PDGFA: variants seen among roughly 807,000 people sequenced by gnomAD.
PDGFA encodes platelet-derived growth factor subunit A.
In PDGFA, 9 loss-of-function variants were observed where a neutral mutation model predicts 25.6. That is an observed-to-expected ratio of 0.35 (90% CI 0.21 to 0.61). The LOEUF (loss-of-function observed/expected upper bound fraction) is 0.61, where lower values mean the gene tolerates loss of function less well. Ranked by LOEUF, PDGFA falls within the 20% of genes least tolerant of loss-of-function variation. The pLI, the probability that PDGFA is intolerant of heterozygous loss-of-function variation, is 0.75. For synonymous variants in PDGFA, 133 were observed against 111.8 expected (o/e 1.19, Z -1.20); for missense variants, 242 against 272.8 (o/e 0.89, Z 0.79).
intron 5 of PDGFA, 90 bp downstream of exon 5, chr7:501,026 G>A (rs749219716): frequency 1.6e-5 from 26 of 1,610,536 alleles, no homozygotes; most frequent in Admixed American, 5.0e-5. Context: ...AGCAGTAAGC[G>A]TTGCGCTCAA....
intron 4 of PDGFA, among the ~76,000 whole-genome samples, chr7:505,427 C>A (rs1782517545): frequency 6.6e-6 from 1 of 152,194 alleles, no homozygotes; most frequent in Non-Finnish European, 1.5e-5. Flanking sequence ...ATGCCGTCAC[C>A]CCTCTAGACC....
At chr7:512,694 C>T in intron 2 of PDGFA, 1 of 1,431,082 alleles carries the variant, frequency 7.0e-7, no homozygotes, top group Non-Finnish European at 9.2e-7. Flanking sequence ...CCCGTTAGCA[C>T]AGAGGTCCCC....
chr7:511,006 C>G lies in PDGFA; in HGVS notation c.266-10G>C. The G allele has an allele frequency of 6.2e-7, 1 of 1,609,488 alleles. No homozygotes were observed. Among genetic ancestry groups the G allele is most frequent in the Non-Finnish European group, 8.5e-7 (1 of 1,177,698 alleles). On this transcript the variant is annotated splice_polypyrimidine_tract_variant and intron_variant, in intron 3 of 5. Coordinates refer to ENST00000402802, the Ensembl canonical transcript of PDGFA. ...GCGGGGACAGCTTCCTCTGCAACGG[C>G]GGGGGCACAGTGAGCGGGGACCGGC...
intron 4 of PDGFA, 22 bp from the exon 5 acceptor site, chr7:501,264 G>A (rs370364597): frequency 1.4e-5 from 22 of 1,613,338 alleles, no homozygotes; most frequent in East Asian, 1.1e-4. Flanking sequence ...AACAGAGCCC[G>A]GCCATGAATG....
At chr7:518,014 GACAC>G (rs895020008) in intron 1 of PDGFA, among the ~76,000 whole-genome samples, 8 of 151,962 alleles carry the variant, frequency 5.3e-5, no homozygotes, top group African/African-American at 1.9e-4. Context: ...CGCGCGCGCA[GACAC>G]ACACACGCGC....
intron 4 of PDGFA, among the ~76,000 whole-genome samples, chr7:509,157 C>G (rs1782692626): frequency 6.6e-6 from 1 of 152,210 alleles, no homozygotes; most frequent in African/African-American, 2.4e-5. Flanking sequence ...GCTGTTCCTC[C>G]CCCAGCGCAA....
In PDGFA at chr7:514,338, C is replaced by T. The variant is rs543244016; in HGVS notation, c.161-1883G>A. Among the ~76,000 whole-genome samples the T allele has an allele frequency of 2.6e-5, 4 of 152,262 alleles. No individual in the cohort carries two copies. The South Asian group carries it at 6.2e-4, about 24-fold the overall frequency. On this transcript the variant is annotated intron_variant, in intron 2 of 5. Transcript: ENST00000402802. ...GCTTAATAAACAGAGAAGACGGCAG[C>T]CGTGCTAGCTCATTGACCCCCAGAA... is the stretch of plus-strand genomic sequence containing the variant.
chr7:511,912 C>T (rs1031409293), intron 3 of PDGFA, among the ~76,000 whole-genome samples: 2 of 152,136 alleles, frequency 1.3e-5, no homozygotes. Flanking sequence ...GGGGGGCAGC[C>T]GCCGGACACA....
At chr7:510,857 C>A (rs376129932) in exon 4 of PDGFA, 227 of 1,609,784 alleles carry the variant, frequency 1.4e-4, no homozygotes, top group Non-Finnish European at 1.7e-4. Flanking sequence ...TGACACTGCT[C>A]GTGTTGCAGC....
intron 2 of PDGFA, chr7:512,732 G>C: frequency 8.3e-7 from 1 of 1,209,736 alleles, no homozygotes; most frequent in Non-Finnish European, 1.1e-6. Context: ...ACGAAGCGCA[G>C]GGCCCTTCGG....
intron 2 of PDGFA, among the ~76,000 whole-genome samples, chr7:513,932 A>G (rs1396796923): frequency 6.6e-6 from 1 of 152,130 alleles, no homozygotes; most frequent in African/African-American, 2.4e-5. Flanking sequence ...GAACAGAACT[A>G]CTCATGCAGT....
At chr7:511,506 A>C (rs1236672211) in intron 3 of PDGFA, among the ~76,000 whole-genome samples, 1 of 152,050 alleles carries the variant, frequency 6.6e-6, no homozygotes, top group African/African-American at 2.4e-5. Flanking sequence ...AGGGTGCAAA[A>C]TGCAGACCCC....
chr7:518,966 G>C, exon 1 of PDGFA: 2 of 1,540,478 alleles, frequency 1.3e-6, no homozygotes, highest in Non-Finnish European at 8.7e-7. Flanking sequence ...CGAGGTATCC[G>C]CAGCCGAGGA....
exon 4 of PDGFA, chr7:510,963 G>C: frequency 6.2e-7 from 1 of 1,612,728 alleles, no homozygotes; most frequent in Non-Finnish European, 8.5e-7. Flanking sequence ...GTAAATGACC[G>C]TCCTGGTCTT....
chr7:519,227 G>A, exon 1 of PDGFA: 2 of 247,662 alleles, frequency 8.1e-6, no homozygotes, highest in Non-Finnish European at 7.7e-6. Flanking sequence ...GTGCGCGCCC[G>A]CAGCGCGGGG....
chr7:520,223 G>A (rs904841844), upstream of PDGFA: 16 of 227,822 alleles, frequency 7.0e-5, no homozygotes, highest in Non-Finnish European at 1.2e-4. Flanking sequence ...CGGCGGCAGC[G>A]GGCAGCGCCC....
At chr7:511,087 G>A (rs1373937011) in intron 3 of PDGFA, 91 bp from the exon 4 acceptor site, 2 of 980,762 alleles carry the variant, frequency 2.0e-6, no homozygotes, top group African/African-American at 1.6e-5. Context: ...GGCCTGGGGG[G>A]CAACCAGGGT....
chr7:506,751 C>T (rs1417703245), intron 4 of PDGFA, among the ~76,000 whole-genome samples: 2 of 152,124 alleles, frequency 1.3e-5, no homozygotes. Context: ...CAAGGAAACA[C>T]CCACCCAGCT....
At chr7:518,231 T>C (rs1783196226) in intron 1 of PDGFA, among the ~76,000 whole-genome samples, 1 of 152,132 alleles carries the variant, frequency 6.6e-6, no homozygotes, top group South Asian at 2.1e-4. Flanking sequence ...CCCTCCCCGA[T>C]TTTTAAGGAG....
Sources: allele counts gnomAD v4.1 joint callset (sites outside exome capture counted in the v4.1 genomes callset), GRCh38; gene constraint gnomAD v4.1.1; transcripts MANE v1.5; gene names NCBI Gene and HGNC (gene_info 2026-07-23, HGNC 2026-07-21).